The following STAG1 variants were observed in gnomAD, a reference collection of about 807,000 sequenced individuals.
The protein encoded by STAG1 is cohesin subunit SA-1.
Under a neutral mutation model 170.9 loss-of-function variants are expected in STAG1, and 26 were observed. That is an observed-to-expected ratio of 0.15 (90% CI 0.11 to 0.21). STAG1 has a LOEUF of 0.21. STAG1 is among the 10% of genes least tolerant of loss of function. STAG1 has a pLI of 1.00. For missense variants in STAG1, 964 were observed against 1,509.5 expected (o/e 0.64, Z 5.99); for synonymous variants, 514 against 497.7 (o/e 1.03, Z -0.44).
chr3:136,574,440 GTGTA>G (rs533150688), intron 4 of STAG1, among the ~76,000 whole-genome samples: 90 of 151,886 alleles, frequency 5.9e-4, no homozygotes, highest in African/African-American at 2.0e-3. Context: ...TGTTTGCATG[GTGTA>G]TGTGTGTATA....
In STAG1 at chr3:136,546,364, A is replaced by T. The variant is rs992874649; in HGVS notation, c.395-4169T>A. On this transcript the variant is annotated intron_variant, in intron 5 of 33. Transcript: ENST00000383202. ...AAGTACCTATGAACCATTTTAAAAC[A>T]TACGAAAATTCATGTCTATGTATTT... is the stretch of plus-strand genomic sequence containing the variant. Among the ~76,000 whole-genome samples the T allele has an allele frequency of 5.9e-5, 9 of 152,188 alleles. 1 individual carries two copies. The highest frequency in any genetic ancestry group is 2.2e-4 in the African/African-American group (9 of 41,452).
At chr3:136,444,137 G>C in intron 14 of STAG1, among the ~76,000 whole-genome samples, 1 of 151,646 alleles carries the variant, frequency 6.6e-6, no homozygotes, top group Non-Finnish European at 1.5e-5. Context: ...GCAGTGGTGT[G>C]ACCTCAGCTC....
At chr3:136,667,611 C>A (rs1325548193) in intron 1 of STAG1, among the ~76,000 whole-genome samples, 1 of 152,096 alleles carries the variant, frequency 6.6e-6, no homozygotes, top group African/African-American at 2.4e-5. Flanking sequence ...ATTCCCCTGC[C>A]GCAGCCTCCC....
chr3:136,347,282 G>T, intron 29 of STAG1, among the ~76,000 whole-genome samples: 1 of 149,806 alleles, frequency 6.7e-6, no homozygotes, highest in Admixed American at 6.7e-5. Context: ...TGTAATCCCA[G>T]CTACTTGGGA....
chr3:136,677,205 T>C (rs1331056257), intron 1 of STAG1, among the ~76,000 whole-genome samples: 2 of 152,216 alleles, frequency 1.3e-5, no homozygotes. Context: ...CTATATGTAA[T>C]TGTATACGTC....
In STAG1 at chr3:136,516,518, T is replaced by G. The variant is rs1037836024; in HGVS notation, c.676+4695A>C. On this transcript the variant is annotated intron_variant, in intron 7 of 33. Transcript: ENST00000383202. ...GTGAGAATCAGAAAATAAACATACATTAAAAAAAAGCAAAAGAAAAGAAAA... is the reference window on the plus strand; with the variant it reads ...GTGAGAATCAGAAAATAAACATACAGTAAAAAAAAGCAAAAGAAAAGAAAA... 2.9e-4 allele frequency among the ~76,000 whole-genome samples: 44 copies of G among 151,906 alleles called. 1 individual carries two copies. The highest frequency in any genetic ancestry group is 1.0e-3 in the African/African-American group (43 of 41,432).
At chr3:136,463,049 AAAAG>A (rs559322606) in intron 13 of STAG1, among the ~76,000 whole-genome samples, 2 of 152,216 alleles carry the variant, frequency 1.3e-5, no homozygotes, top group Admixed American at 6.5e-5. Context: ...TAATGCTGAA[AAAAG>A]AAAGACTACA....
intron 7 of STAG1, among the ~76,000 whole-genome samples, chr3:136,505,447 C>T (rs1933708701): frequency 6.6e-6 from 1 of 152,162 alleles, no homozygotes; most frequent in Admixed American, 6.5e-5. Context: ...TTATAGCAAT[C>T]TGACAATTTA....
chr3:136,401,142 T>C (rs889465779), intron 21 of STAG1, among the ~76,000 whole-genome samples: 1 of 152,206 alleles, frequency 6.6e-6, no homozygotes, highest in Non-Finnish European at 1.5e-5. Context: ...CTTGATCTTA[T>C]TGTAAAAATA....
intron 4 of STAG1, among the ~76,000 whole-genome samples, chr3:136,579,126 A>C (rs976121071): frequency 6.6e-6 from 1 of 152,226 alleles, no homozygotes; most frequent in African/African-American, 2.4e-5. Context: ...ATGGACTATA[A>C]TAAACTTAAC....
intron 25 of STAG1, among the ~76,000 whole-genome samples, chr3:136,365,142 A>G (rs1354275636): frequency 6.6e-6 from 1 of 152,208 alleles, no homozygotes; most frequent in South Asian, 2.1e-4. Context: ...AAAGTTCTGA[A>G]TAAGACTCAC....
chr3:136,721,588 T>C (rs1162322338), intron 1 of STAG1: 1 of 152,090 alleles, frequency 6.6e-6, no homozygotes, highest in African/African-American at 2.4e-5. Context: ...ATAAAAGTGG[T>C]ATTAAGAATT....
At chr3:136,552,626 A>T (rs1936453132) in intron 5 of STAG1, among the ~76,000 whole-genome samples, 1 of 152,164 alleles carries the variant, frequency 6.6e-6, no homozygotes, top group East Asian at 1.9e-4. Context: ...AGAAGAAATA[A>T]CTCTATAAAG....
At chr3:136,472,041 T>G (rs1444324829) in intron 12 of STAG1, among the ~76,000 whole-genome samples, 1 of 152,124 alleles carries the variant, frequency 6.6e-6, no homozygotes, top group East Asian at 1.9e-4. Flanking sequence ...TCTCCCCTTT[T>G]GCCCAGGCTG....
intron 1 of STAG1, among the ~76,000 whole-genome samples, chr3:136,678,526 G>T (rs1288147094): frequency 8.3e-6 from 1 of 120,624 alleles, no homozygotes; most frequent in African/African-American, 3.5e-5. Context: ...AACATGAATT[G>T]CAAAAAAAAA....
At chr3:136,648,533 TC>T (rs558634818) in intron 1 of STAG1, among the ~76,000 whole-genome samples, 17 of 152,346 alleles carry the variant, frequency 1.1e-4, no homozygotes, top group African/African-American at 4.1e-4. Context: ...GAGCTTCTTT[TC>T]TAACAATCCT....
chr3:136,520,155 C>A (rs1183176190), intron 7 of STAG1, among the ~76,000 whole-genome samples: 1 of 152,080 alleles, frequency 6.6e-6, no homozygotes, highest in African/African-American at 2.4e-5. Context: ...CAAAAAATAA[C>A]AAAATTTTAA....
At chr3:136,345,669 T>G (rs1225086233) in intron 29 of STAG1, among the ~76,000 whole-genome samples, 3 of 152,196 alleles carry the variant, frequency 2.0e-5, no homozygotes, top group Non-Finnish European at 2.9e-5. Context: ...GTTTTCCTTC[T>G]GAAGAATTTT....
intron 1 of STAG1, among the ~76,000 whole-genome samples, chr3:136,746,002 T>C (rs966617725): frequency 3.3e-5 from 5 of 152,136 alleles, no homozygotes; most frequent in African/African-American, 9.7e-5. Flanking sequence ...GGGTATGTTA[T>C]ATAAAGAAAA....
Sources: gnomAD v4.1 joint callset for allele counts (sites outside exome capture counted in the v4.1 genomes callset) on GRCh38, gnomAD v4.1.1 for gene constraint, MANE v1.5 for transcripts, NCBI Gene and HGNC (gene_info 2026-07-23, HGNC 2026-07-21) for gene names.